The following MARCHF1 variants were observed in gnomAD, a reference collection of about 807,000 sequenced individuals.
The protein encoded by MARCHF1 is membrane associated ring-CH-type finger 1.
MARCHF1 carries 40 observed loss-of-function variants against 54.2 expected under a neutral mutation model. The observed-to-expected ratio is 0.74, with a 90% confidence interval of 0.57 to 0.96. The LOEUF (loss-of-function observed/expected upper bound fraction) is 0.96, where lower values mean the gene tolerates loss of function less well. Ranked by LOEUF, MARCHF1 falls within the 40% of genes least tolerant of loss-of-function variation. The pLI is 0.00. For synonymous variants in MARCHF1, 236 were observed against 236.3 expected (o/e 1.00, Z 0.01); for missense variants, 586 against 656.5 (o/e 0.89, Z 1.17).
intron 1 of MARCHF1, among the ~76,000 whole-genome samples, chr4:164,156,564 C>A (rs562816194): frequency 1.1e-3 from 172 of 152,292 alleles, no homozygotes; most frequent in Non-Finnish European, 2.2e-3. Context: ...GCTGGGACTA[C>A]AGGCACACAC....
At chr4:164,031,536 G>A (rs1442572925) in intron 2 of MARCHF1, among the ~76,000 whole-genome samples, 2 of 151,854 alleles carry the variant, frequency 1.3e-5, no homozygotes, top group Admixed American at 6.6e-5. Flanking sequence ...AGCTTTTAGC[G>A]TGAAGGGATA....
At chr4:164,314,541 G>A (rs563571173) in intron 1 of MARCHF1, among the ~76,000 whole-genome samples, 4 of 152,054 alleles carry the variant, frequency 2.6e-5, no homozygotes, top group Admixed American at 1.3e-4. Flanking sequence ...CAGTACTCAC[G>A]CAGGCATACA....
intron 4 of MARCHF1, among the ~76,000 whole-genome samples, chr4:163,838,803 T>C (rs576971393): frequency 1.3e-5 from 2 of 152,150 alleles, no homozygotes; most frequent in East Asian, 1.9e-4. Flanking sequence ...AAAACTCTTA[T>C]AGGAAAACAC....
At chr4:163,964,374 TGTGAGTAATTACTACAAACAGTG>T (rs1168935339) in intron 3 of MARCHF1, among the ~76,000 whole-genome samples, 1 of 152,000 alleles carries the variant, frequency 6.6e-6, no homozygotes, top group Non-Finnish European at 1.5e-5. Flanking sequence ...ATAAACTCAA[TGTGAGTAATTACTACAAACAGTG>T]TGAGTTACGT....
intron 2 of MARCHF1, among the ~76,000 whole-genome samples, chr4:164,064,488 G>A (rs1443524592): frequency 6.6e-6 from 1 of 152,096 alleles, no homozygotes; most frequent in Non-Finnish European, 1.5e-5. Context: ...AGTGATTTTT[G>A]CATGTCGATT....
At chr4:164,059,016 C>A (rs969983562) in intron 2 of MARCHF1, among the ~76,000 whole-genome samples, 1 of 152,110 alleles carries the variant, frequency 6.6e-6, no homozygotes, top group African/African-American at 2.4e-5. Context: ...ATACCAACAG[C>A]CTTAACAGCT....
chr4:163,903,223 G>T (rs1233483542), intron 3 of MARCHF1, among the ~76,000 whole-genome samples: 1 of 134,520 alleles, frequency 7.4e-6, no homozygotes. Context: ...ATTTATCTCT[G>T]ATCTTCCTTC....
At chr4:164,215,381 T>C (rs933407918) in intron 1 of MARCHF1, among the ~76,000 whole-genome samples, 5 of 152,112 alleles carry the variant, frequency 3.3e-5, no homozygotes, top group African/African-American at 9.7e-5. Context: ...TGCATTCCTC[T>C]CCATGTCCAA....
At chr4:163,687,728 G>A (rs1242794220) in intron 5 of MARCHF1, among the ~76,000 whole-genome samples, 3 of 152,132 alleles carry the variant, frequency 2.0e-5, no homozygotes, top group Non-Finnish European at 2.9e-5. Context: ...CAGGAAGAAG[G>A]ATGCCTTCTT....
intron 1 of MARCHF1, among the ~76,000 whole-genome samples, chr4:164,174,484 A>G (rs1730611090): frequency 6.6e-6 from 1 of 152,190 alleles, no homozygotes; most frequent in Non-Finnish European, 1.5e-5. Context: ...GAAAACAGAA[A>G]GGACTGCAGG....
At position 164,054,161 on chromosome 4, in the gene MARCHF1, A is replaced by G. The variant is rs376898776; in HGVS notation, c.-248+57427T>C. Among the ~76,000 whole-genome samples, 239 of 151,554 alleles carry G rather than the reference A, an allele frequency of 1.6e-3. 1 individual carries two copies. The highest frequency in any genetic ancestry group is 5.3e-3 in the African/African-American group (221 of 41,432). ...AAAGAAGACATTTATGCAGCCAAAA[A>G]ACACATGAAAAAATGCTCACCATCA... On this transcript the variant is annotated intron_variant, in intron 2 of 9. Transcript: ENST00000514618.
chr4:163,670,783 A>G (rs919071463), intron 5 of MARCHF1, among the ~76,000 whole-genome samples: 4 of 152,358 alleles, frequency 2.6e-5, no homozygotes, highest in African/African-American at 7.2e-5. Context: ...AGCCGGGAAT[A>G]CAATACTTAT....
chr4:164,220,376 A>G (rs978017503), intron 1 of MARCHF1, among the ~76,000 whole-genome samples: 4 of 147,450 alleles, frequency 2.7e-5, no homozygotes, highest in Admixed American at 6.9e-5. Flanking sequence ...TCCCATATAT[A>G]TTCCATTCCT....
intron 5 of MARCHF1, among the ~76,000 whole-genome samples, chr4:163,679,025 A>G (rs1188233771): frequency 6.6e-6 from 1 of 152,212 alleles, no homozygotes; most frequent in Non-Finnish European, 1.5e-5. Context: ...TCATCATGGT[A>G]CGGGATTTGG....
At position 164,219,960 on chromosome 4, in the gene MARCHF1, G is replaced by A. The variant is rs549149911; in HGVS notation, c.-322-108298C>T. Among the ~76,000 whole-genome samples the A allele has an allele frequency of 2.0e-4, 31 of 151,892 alleles. 1 individual carries two copies. The South Asian group carries it at 4.2e-3, about 20-fold the overall frequency. ...ATATCAATTTACAGATTTCTATCCCGTAGATAATATATCCCCAAAGTTTAT... is the reference window on the plus strand; with the variant it reads ...ATATCAATTTACAGATTTCTATCCCATAGATAATATATCCCCAAAGTTTAT... On this transcript the variant is annotated intron_variant, in intron 1 of 9. Transcript: ENST00000514618.
At chr4:163,628,840 C>A (rs1741966032) in intron 5 of MARCHF1, among the ~76,000 whole-genome samples, 1 of 152,136 alleles carries the variant, frequency 6.6e-6, no homozygotes, top group South Asian at 2.1e-4. Flanking sequence ...ATACAACTTA[C>A]AAGGGATGTG....
At chr4:163,622,442 GA>G (rs113206751) in intron 5 of MARCHF1, among the ~76,000 whole-genome samples, 169 of 146,870 alleles carry the variant, frequency 1.2e-3, no homozygotes, top group African/African-American at 1.9e-3. Context: ...CAGATCTTTT[GA>G]AAAAAAAAAA....
intron 3 of MARCHF1, among the ~76,000 whole-genome samples, chr4:163,986,566 ACTT>A (rs1231645994): frequency 2.0e-5 from 3 of 152,156 alleles, no homozygotes; most frequent in East Asian, 3.9e-4. Flanking sequence ...CACCCGGCCA[ACTT>A]CTTCTTTCTT....
At chr4:163,955,981 C>T (rs752437193) in intron 3 of MARCHF1, among the ~76,000 whole-genome samples, 3 of 151,824 alleles carry the variant, frequency 2.0e-5, no homozygotes, top group Non-Finnish European at 2.9e-5. Flanking sequence ...TGAATTGGAT[C>T]CTGGAATAGA....
Sources: gnomAD v4.1 joint callset for allele counts (sites outside exome capture counted in the v4.1 genomes callset) on GRCh38, gnomAD v4.1.1 for gene constraint, MANE v1.5 for transcripts, NCBI Gene and HGNC (gene_info 2026-07-23, HGNC 2026-07-21) for gene names.